Variants in PRDM13 observed in about 807,000 individuals in gnomAD.
The protein encoded by PRDM13 is PR/SET domain 13.
In PRDM13, 15 loss-of-function variants were observed where a neutral mutation model predicts 36.4. The observed-to-expected ratio is 0.41, with a 90% CI of 0.28 to 0.64. The LOEUF (loss-of-function observed/expected upper bound fraction) is 0.64, where lower values mean the gene tolerates loss of function less well. Among genes scored for constraint, PRDM13 ranks in the 30% least tolerant of loss-of-function variants. The probability of loss-of-function intolerance (pLI) is 0.29; values close to 1 mark genes in which losing one functional copy is unlikely to be tolerated. For synonymous variants in PRDM13, 531 were observed against 467.7 expected (o/e 1.14, Z -1.75); for missense variants, 1,044 against 1,013.5 (o/e 1.03, Z -0.41).
In PRDM13 at chr6:99,613,996, A is replaced by T; in HGVS notation, c.1361A>T (p.His454Leu). Reference protein sequence around the residue: ...LKAYPGGECSHLPAVMPAFTV... With the variant: ...LKAYPGGECSLLPAVMPAFTV... ...GCCTATCCGGGTGGTGAGTGCAGCC[A>T]CCTGCCCGCCGTCATGCCGGCCTTT... Residue 454 changes from histidine to leucine, a missense_variant, in exon 4 of 4, where the codon CAC (histidine) becomes CTC (leucine). Physicochemically the swap from His to Leu is moderately conservative, Grantham distance 99. This residue lies in a region of PRDM13 where 921 missense variants were observed against 865.2 expected (regional missense o/e 1.06). Coordinates refer to ENST00000369215, the MANE Select transcript of PRDM13 (RefSeq NM_021620.4). This position sits in a 1 kb window ranked among gnomAD's most constrained non-coding sequence, Gnocchi z 6.1. 1 of 1,609,710 alleles carries T rather than the reference A, an allele frequency of 6.2e-7. No individual in the cohort carries two copies. The highest frequency in any genetic ancestry group is 1.7e-4 in the Middle Eastern group (1 of 6,040).
rs952624369 is a variant in PRDM13, at chr6:99,606,902, C to T, written c.-133C>T. 50 of 1,251,436 alleles carry T rather than the reference C, an allele frequency of 4.0e-5. 1 individual carries two copies. The African/African-American group carries it at 4.7e-4, about 12-fold the overall frequency. 77.5% of individuals were successfully genotyped at this position (1,251,436 alleles called of 1,614,324 possible). On this transcript the variant is annotated 5_prime_UTR_variant, in exon 1 of 4. Transcript: ENST00000369215. ...ATTGAAAAGGCGCAGTGCATGCCCG[C>T]CCGCGTCACTCCGCGGGCGGAGGAC...
intron 3 of PRDM13, among the ~76,000 whole-genome samples, chr6:99,612,520 A>G (rs980574413): frequency 3.3e-5 from 5 of 152,184 alleles, no homozygotes; most frequent in African/African-American, 4.8e-5. Flanking sequence ...GTCCTGTGAA[A>G]AGGAATGATT....
Position 99,613,067 on chromosome 6 carries a change from G to A in PRDM13, c.432G>A (p.Arg144=), listed in dbSNP as rs766228251. The A allele has an allele frequency of 3.7e-6, 6 of 1,613,674 alleles. No homozygotes were observed. The highest frequency in any genetic ancestry group is 4.2e-6 in the Non-Finnish European group (5 of 1,180,048). Residue 144 remains arginine, a synonymous_variant, in exon 4 of 4, where the codon AGG becomes AGA. Transcript: ENST00000369215. This position sits in a 1 kb window ranked among gnomAD's most constrained non-coding sequence, Gnocchi z 6.1. ...GCTACATCTGCTGGTACTGCTGGAG[G>A]ACGTTTAGATACCCCAACAGCCTTA... is the stretch of plus-strand genomic sequence containing the variant. The part of the protein sequence containing the change: ...EERYICWYCW[R]TFRYPNSLKA...
In PRDM13 at chr6:99,609,197, G is replaced by A; in HGVS notation, c.287G>A (p.Arg96Gln). Residue 96 changes from arginine (R) to glutamine (Q), a missense_variant, in exon 3 of 4, where the codon CGA becomes CAA. This residue lies in a region of PRDM13 where 921 missense variants were observed against 865.2 expected (regional missense o/e 1.06). Coordinates refer to ENST00000369215, the MANE Select transcript of PRDM13 (RefSeq NM_021620.4). ...TTCCTTGCGTCCCAGATCTTCTACC[G>A]AGCATTGCGAGACGTCCAGCCAGGG... ...ADLPGGQIFY[R>Q]ALRDVQPGEE... The A allele has an allele frequency of 6.2e-7, 1 of 1,613,640 alleles. No individual in the cohort carries two copies. Among genetic ancestry groups the A allele is most frequent in the African/African-American group, 1.3e-5 (1 of 74,966 alleles).
intron 1 of PRDM13, 48 bp from the exon 2 acceptor site, chr6:99,608,693 T>G (rs1484991488): frequency 1.9e-6 from 3 of 1,554,854 alleles, no homozygotes; most frequent in Non-Finnish European, 1.7e-6. Context: ...GTTTGGGTTG[T>G]GGGCCTGGCC....
At position 99,610,628 on chromosome 6, in the gene PRDM13, G is replaced by T. The variant is rs115219698; in HGVS notation, c.397+1321G>T. 5.0e-3 allele frequency among the ~76,000 whole-genome samples: 767 copies of T among 152,236 alleles called. 8 individuals carry two copies. Among genetic ancestry groups the T allele is most frequent in the African/African-American group, 0.018 (749 of 41,536 alleles). On this transcript the variant is annotated intron_variant, in intron 3 of 3. Transcript: ENST00000369215. ...GTAAGTTAATTCTGTTTATTTTGTA[G>T]GTATAGTATTCAAATTATCCTAAAA... is the stretch of plus-strand genomic sequence containing the variant.
In PRDM13 at chr6:99,613,219, C is replaced by T; in HGVS notation, c.584C>T (p.Pro195Leu). ...GGCCTCGGTCTCTCCCCAAAACCCC[C>T]GGCGCCCGATTTCGCCGCGCCTTCC... Reference protein sequence around the residue: ...ADGLGLSPKPPAPDFAAPSQA... With the variant: ...ADGLGLSPKPLAPDFAAPSQA... The change falls in exon 4 of 4, where the codon CCG becomes CTG. Residue 195 changes from proline (P) to leucine (L), a missense_variant. This residue lies in a region of PRDM13 where 921 missense variants were observed against 865.2 expected (regional missense o/e 1.06). Transcript: ENST00000369215. This position sits in a 1 kb window ranked among gnomAD's most constrained non-coding sequence, Gnocchi z 6.1. The T allele has an allele frequency of 1.2e-6, 2 of 1,611,876 alleles. No individual in the cohort carries two copies. The highest frequency in any genetic ancestry group is 8.5e-7 in the Non-Finnish European group (1 of 1,179,676).
rs751249068 is a variant in PRDM13 at position 99,614,806 on chromosome 6, G to A, written c.*47G>A. 1.7e-5 allele frequency: 26 copies of A among 1,517,486 alleles called. No individual in the cohort carries two copies. The South Asian group carries it at 3.3e-4, about 19-fold the overall frequency. The allele number at this position is 1,517,486 out of a possible 1,614,324, so 94.0% of individuals were successfully genotyped here. On this transcript the variant is annotated 3_prime_UTR_variant, in exon 4 of 4. Transcript: ENST00000369215. ...GGGGTGAGGACAGAGAGGAGTCGAG[G>A]GTTTATTCTCGCAGTAGAGGAACTC...
rs1212085337 is a variant in PRDM13 at position 99,614,163 on chromosome 6, G to A, written c.1528G>A (p.Ala510Thr). Reference protein sequence around the residue: ...SGPAAAALSPAELGSLASIDR... With the variant: ...SGPAAAALSPTELGSLASIDR... ...GCCTGCAGCGGCCGCCCTAAGCCCC[G>A]CCGAGCTGGGGTCGCTGGCCAGCAT... The change falls in exon 4 of 4, where the codon GCC (alanine) becomes ACC (threonine). Residue 510 changes from alanine to threonine, a missense_variant. Ala to Thr is a moderately conservative substitution (Grantham distance 58). Coordinates refer to ENST00000369215, the MANE Select transcript of PRDM13 (RefSeq NM_021620.4). The A allele has an allele frequency of 4.4e-6, 7 of 1,600,816 alleles. No individual in the cohort carries two copies. In the African/African-American group the frequency reaches 6.7e-5, roughly 15 times the overall value.
Position 99,614,462 on chromosome 6 carries a change from C to T in PRDM13, c.1827C>T (p.Pro609=). ...KPLKCKVCLR[P]FGDPSNLNKH... ...TCAAGTGCAAAGTCTGTCTGCGGCC[C>T]TTCGGCGACCCCAGCAATCTCAACA... Residue 609 remains proline, a synonymous_variant, in exon 4 of 4, where the codon CCC becomes CCT. Transcript: ENST00000369215. 1 of 1,613,534 alleles carries T rather than the reference C, an allele frequency of 6.2e-7. No individual in the cohort carries two copies. Among genetic ancestry groups the T allele is most frequent in the Non-Finnish European group, 8.5e-7 (1 of 1,180,014 alleles).
rs748542093 is a variant in PRDM13, at chr6:99,607,010, C to A, written c.-25C>A. The stretch of plus-strand genomic sequence containing the variant: ...CTTCCAAGGACCTGGAGCACCCGAG[C>A]GCCTGCCTGGTGGCGGCGGCAACAA... On this transcript the variant is annotated 5_prime_UTR_variant, in exon 1 of 4. Coordinates refer to ENST00000369215, the MANE Select transcript of PRDM13 (RefSeq NM_021620.4). 3.1e-6 allele frequency: 5 copies of A among 1,596,482 alleles called. No homozygotes were observed. In the South Asian group the frequency reaches 3.4e-5, roughly 11 times the overall value.
Position 99,613,909 on chromosome 6 carries a change from C to G in PRDM13, c.1274C>G (p.Pro425Arg). ...LPGARYAQLP[P>R]APGLPLERCA... Reference sequence around the variant, plus strand: ...GGAGCGCGTTATGCGCAGCTGCCCCCTGCGCCGGGGTTGCCCCTCGAGCGC... The same window carrying G: ...GGAGCGCGTTATGCGCAGCTGCCCCGTGCGCCGGGGTTGCCCCTCGAGCGC... Residue 425 changes from proline (P) to arginine (R), a missense_variant, in exon 4 of 4, where the codon CCT (proline) becomes CGT (arginine). Pro to Arg is a moderately radical substitution (Grantham distance 103). Transcript: ENST00000369215. The surrounding 1 kb of genome is among the most constrained non-coding windows in gnomAD (Gnocchi z 6.1). 6.3e-7 allele frequency: 1 copy of G among 1,584,030 alleles called. No individual in the cohort carries two copies. The highest frequency in any genetic ancestry group is 1.1e-5 in the South Asian group (1 of 88,366).
At position 99,614,239 on chromosome 6, in the gene PRDM13, G is replaced by T; in HGVS notation, c.1604G>T (p.Gly535Val). ...CAGCAGCTGTCCGAGATGGCTGCCG[G>T]GAAGGGTCGCGGACGCCTGGACTCG... ...HNQQLSEMAA[G>V]KGRGRLDSGT... The change falls in exon 4 of 4, where the codon GGG (glycine) becomes GTG (valine). Residue 535 changes from glycine (G) to valine (V), a missense_variant. By Grantham distance (109) the Gly-to-Val change is moderately radical. This residue lies in a region of PRDM13 where 921 missense variants were observed against 865.2 expected (regional missense o/e 1.06). Transcript: ENST00000369215. 1 of 1,609,426 alleles carries T rather than the reference G, an allele frequency of 6.2e-7. No homozygotes were observed. Among genetic ancestry groups the T allele is most frequent in the South Asian group, 1.1e-5 (1 of 90,876 alleles).
At position 99,613,477 on chromosome 6, in the gene PRDM13, G is replaced by C. The variant is rs1770067406; in HGVS notation, c.842G>C (p.Gly281Ala). The C allele has an allele frequency of 1.3e-6, 2 of 1,531,670 alleles. No homozygotes were observed. The allele number at this position is 1,531,670 out of a possible 1,614,324, so 94.9% of individuals were successfully genotyped here. A position where few individuals can be genotyped will look rare whatever the true frequency, so the allele number is the denominator to read the frequency against. The change falls in exon 4 of 4, where the codon GGG (glycine) becomes GCG (alanine). Residue 281 changes from glycine to alanine, a missense_variant. By Grantham distance (60) the Gly-to-Ala change is moderately conservative. Coordinates refer to ENST00000369215, the MANE Select transcript of PRDM13 (RefSeq NM_021620.4). The surrounding 1 kb of genome is among the most constrained non-coding windows in gnomAD (Gnocchi z 6.1). ...FLGIVGGSSA[G>A]VGSLAFYPGV... is the part of the protein sequence containing the mutation. ...GGCATCGTGGGCGGCTCCTCGGCGG[G>C]GGTCGGCAGCCTGGCTTTCTACCCC...
At position 99,614,471 on chromosome 6, in the gene PRDM13, C is replaced by T; in HGVS notation, c.1836C>T (p.Asp612=). 7.4e-6 allele frequency: 12 copies of T among 1,613,496 alleles called. No individual in the cohort carries two copies. The highest frequency in any genetic ancestry group is 1.0e-5 in the Non-Finnish European group (12 of 1,180,016). ...KCKVCLRPFG[D]PSNLNKHIRL... ...AAGTCTGTCTGCGGCCCTTCGGCGA[C>T]CCCAGCAATCTCAACAAGCACATCC... The change falls in exon 4 of 4, where the codon GAC becomes GAT. Residue 612 remains aspartate (D), a synonymous_variant. Transcript: ENST00000369215.
At position 99,614,770 on chromosome 6, in the gene PRDM13, C is replaced by T. The variant is rs778392672; in HGVS notation, c.*11C>T. On this transcript the variant is annotated 3_prime_UTR_variant, in exon 4 of 4. Coordinates refer to ENST00000369215, the MANE Select transcript of PRDM13 (RefSeq NM_021620.4). Reference sequence around the variant, plus strand: ...GAGCGCGACTTGTAACGAGTCTTCCCGGGAAGGGGCGGGGTGAGGACAGAG... The same window carrying T: ...GAGCGCGACTTGTAACGAGTCTTCCTGGGAAGGGGCGGGGTGAGGACAGAG... 47 of 1,554,388 alleles carry T rather than the reference C, an allele frequency of 3.0e-5. 1 individual carries two copies. Among genetic ancestry groups the T allele is most frequent in the East Asian group, 2.3e-4 (10 of 44,410 alleles).
At chr6:99,610,135 C>G (rs1437885274) in intron 3 of PRDM13, among the ~76,000 whole-genome samples, 1 of 152,202 alleles carries the variant, frequency 6.6e-6, no homozygotes, top group Non-Finnish European at 1.5e-5. Context: ...TTCATTTCCC[C>G]TTGCCTACTT....
intron 1 of PRDM13, 75 bp downstream of exon 1, chr6:99,607,253 A>G: frequency 6.4e-7 from 1 of 1,571,086 alleles, no homozygotes; most frequent in Non-Finnish European, 8.6e-7. Context: ...GTACGAGAGA[A>G]AGTGGAGGAA....
At chr6:99,607,199 T>C (rs1484514886) in intron 1 of PRDM13, 21 bp downstream of exon 1, 2 of 1,611,256 alleles carry the variant, frequency 1.2e-6, no homozygotes, top group East Asian at 2.2e-5. Flanking sequence ...TTCAGACCTC[T>C]GCCCACTGCC....
Sources: gnomAD v4.1 joint callset for allele counts (sites outside exome capture counted in the v4.1 genomes callset) on GRCh38, gnomAD v4.1.1 for gene constraint, gnomAD v4.1.1 regional missense constraint, Gnocchi (gnomAD v3.1) non-coding constraint, MANE v1.5 for transcripts, NCBI Gene and HGNC (gene_info 2026-07-23, HGNC 2026-07-21) for gene names.